The following NINJ2 variants were observed in gnomAD, a reference collection of about 807,000 sequenced individuals.
NINJ2 encodes ninjurin-2.
Under a neutral mutation model 11.7 loss-of-function variants are expected in NINJ2, and 12 were observed. The ratio of observed to expected loss-of-function variants is 1.02; its 90% confidence interval spans 0.66 to 1.66. The LOEUF (loss-of-function observed/expected upper bound fraction) is 1.66. Ranked by LOEUF, NINJ2 falls within the 40% of genes most tolerant of loss-of-function variation. The pLI is 0.00. For synonymous variants in NINJ2, 93 were observed against 76.8 expected (o/e 1.21, Z -1.10); for missense variants, 187 against 181.8 (o/e 1.03, Z -0.16).
chr12:576,514 G>A (rs534251409), intron 1 of NINJ2, among the ~76,000 whole-genome samples: 42 of 152,342 alleles, frequency 2.8e-4, no homozygotes, highest in African/African-American at 9.6e-4. Context: ...TGTTTTCTTG[G>A]GGCAGGCCCT....
intron 1 of NINJ2, among the ~76,000 whole-genome samples, chr12:598,948 C>T (rs1002856101): frequency 6.6e-6 from 1 of 151,972 alleles, no homozygotes; most frequent in Non-Finnish European, 1.5e-5. Context: ...GATCCACCTG[C>T]CTCGGCCTCC....
In NINJ2 at chr12:628,645, T is replaced by G. The variant is rs932390152; in HGVS notation, c.33+34683A>C. Among the ~76,000 whole-genome samples, 1 of 152,012 alleles carries G rather than the reference T, an allele frequency of 6.6e-6. No individual in the cohort carries two copies. Among genetic ancestry groups the G allele is most frequent in the Non-Finnish European group, 1.5e-5 (1 of 67,972 alleles). On this transcript the variant is annotated intron_variant, in intron 1 of 3. Coordinates refer to ENST00000305108, the MANE Select transcript of NINJ2 (RefSeq NM_016533.6). The surrounding 1 kb of genome is among the most constrained non-coding windows in gnomAD (Gnocchi z 4.4). ...TTCCCAGGAGGTTAGGCATTCTTAG[T>G]CACAGGATGAGATAGGAGGTCAGCA...
chr12:604,732 G>A lies in NINJ2; in HGVS notation c.34-38554C>T, dbSNP rs573257039. Among the ~76,000 whole-genome samples, 41 of 152,320 alleles carry A rather than the reference G, an allele frequency of 2.7e-4. No individual in the cohort carries two copies. The South Asian group carries it at 6.0e-3, about 22-fold the overall frequency. ...AATCCAGGAAGGCACTGGGTGTGGG[G>A]ACACAAGTGCAAGGGAGGTAGGGAC... On this transcript the variant is annotated intron_variant, in intron 1 of 3. Coordinates refer to ENST00000305108, the MANE Select transcript of NINJ2 (RefSeq NM_016533.6).
rs566805009 is a variant in NINJ2 at position 646,657 on chromosome 12, G to A, written c.33+16671C>T. Among the ~76,000 whole-genome samples the A allele has an allele frequency of 3.9e-5, 6 of 152,246 alleles. No individual in the cohort carries two copies. The East Asian group carries it at 9.6e-4, about 24-fold the overall frequency. ...CCCTGTTTGAATCATAACACTGGGC[G>A]GTCACATTTCTAGGAAACTGCAGCT... On this transcript the variant is annotated intron_variant, in intron 1 of 3. Coordinates refer to ENST00000305108, the MANE Select transcript of NINJ2 (RefSeq NM_016533.6).
At position 612,602 on chromosome 12, in the gene NINJ2, T is replaced by C. The variant is rs549042663; in HGVS notation, c.34-46424A>G. 6.6e-5 allele frequency among the ~76,000 whole-genome samples: 10 copies of C among 152,256 alleles called. No homozygotes were observed. In the East Asian group the frequency reaches 1.9e-3, roughly 29 times the overall value. On this transcript the variant is annotated intron_variant, in intron 1 of 3. Transcript: ENST00000305108. ...AGAAAAGCAGAGGGAAGGAGCTGTC[T>C]GGGTTGGTAGGGCTCGAGGTTCTGG...
chr12:648,080 C>T (rs1241377152), intron 1 of NINJ2, among the ~76,000 whole-genome samples: 1 of 152,096 alleles, frequency 6.6e-6, no homozygotes, highest in African/African-American at 2.4e-5. Context: ...TCAACAAATA[C>T]ATTTTTTTTT....
intron 1 of NINJ2, among the ~76,000 whole-genome samples, chr12:583,285 A>G (rs1947583820): frequency 6.6e-6 from 1 of 152,266 alleles, no homozygotes; most frequent in Non-Finnish European, 1.5e-5. Flanking sequence ...GCTGGCCCAG[A>G]TTCAGGCTAG....
intron 2 of NINJ2, 93 bp from the exon 3 acceptor site, chr12:565,494 C>T: frequency 3.0e-6 from 4 of 1,320,416 alleles, no homozygotes; most frequent in East Asian, 2.3e-5. Context: ...GAGAGAGGGG[C>T]CCTTCAGAAA....
At chr12:601,401 AGC>A (rs2120907467) in intron 1 of NINJ2, among the ~76,000 whole-genome samples, 2 of 151,300 alleles carry the variant, frequency 1.3e-5, no homozygotes, top group African/African-American at 4.9e-5. Context: ...AAAAAAAATT[AGC>A]CAGGCGTGGT....
intron 1 of NINJ2, among the ~76,000 whole-genome samples, chr12:646,377 G>A (rs886080325): frequency 2.6e-5 from 4 of 152,176 alleles, no homozygotes; most frequent in Non-Finnish European, 2.9e-5. Context: ...GGCACTGCCC[G>A]TGAGTGCCTG....
chr12:567,508 TTGG>T (rs1176457168), intron 1 of NINJ2, among the ~76,000 whole-genome samples: 8 of 152,108 alleles, frequency 5.3e-5, no homozygotes, highest in African/African-American at 1.4e-4. Flanking sequence ...GATGGAGAGA[TTGG>T]TGGGTGGATG....
chr12:601,337 G>A (rs1947864981), intron 1 of NINJ2, among the ~76,000 whole-genome samples: 2 of 146,830 alleles, frequency 1.4e-5, no homozygotes, highest in East Asian at 2.1e-4. Flanking sequence ...AGGAAGTCAG[G>A]AGATCGAGAC....
rs371435239 is a variant in NINJ2 at position 566,083 on chromosome 12, G to A, written c.129C>T (p.Phe43=). Residue 43 remains phenylalanine, a synonymous_variant, in exon 2 of 4, where the codon TTC becomes TTT. Coordinates refer to ENST00000305108, the MANE Select transcript of NINJ2 (RefSeq NM_016533.6). Reference sequence around the variant, plus strand: ...CCTTCAGCCGCATGGCGTTGGACATGAACAGGGCCACGTCCAGCATGCTCT... The same window carrying A: ...CCTTCAGCCGCATGGCGTTGGACATAAACAGGGCCACGTCCAGCATGCTCT... ...VAESMLDVAL[F]MSNAMRLKAV... 54 of 1,614,200 alleles carry A rather than the reference G, an allele frequency of 3.3e-5. No homozygotes were observed. The highest frequency in any genetic ancestry group is 4.3e-5 in the Non-Finnish European group (51 of 1,180,036).
chr12:629,157 G>A (rs898205425), intron 1 of NINJ2, among the ~76,000 whole-genome samples: 1 of 152,142 alleles, frequency 6.6e-6, no homozygotes, highest in Non-Finnish European at 1.5e-5. Context: ...GTCTGGATCG[G>A]GACCCCTTTC....
intron 1 of NINJ2, among the ~76,000 whole-genome samples, chr12:617,647 T>G (rs1460254338): frequency 1.3e-5 from 2 of 152,252 alleles, no homozygotes; most frequent in Non-Finnish European, 2.9e-5. Context: ...GAAGGCCGGC[T>G]GGCTGAGCAC....
At chr12:657,109 A>T (rs1311651123) in intron 1 of NINJ2, among the ~76,000 whole-genome samples, 1 of 152,240 alleles carries the variant, frequency 6.6e-6, no homozygotes, top group Non-Finnish European at 1.5e-5. Flanking sequence ...TTTTGTATAC[A>T]ATACCAAAGG....
chr12:605,446 G>A (rs1465518567), intron 1 of NINJ2, among the ~76,000 whole-genome samples: 1 of 152,238 alleles, frequency 6.6e-6, no homozygotes, highest in Non-Finnish European at 1.5e-5. Context: ...TGTAGTCCCA[G>A]CTATTTGGGA....
intron 1 of NINJ2, among the ~76,000 whole-genome samples, chr12:597,926 T>C (rs1565629182): frequency 6.6e-6 from 1 of 152,274 alleles, no homozygotes; most frequent in African/African-American, 2.4e-5. Context: ...CCCTCTAGTA[T>C]AATGCTGGAC....
chr12:659,526 T>C (rs779536960), intron 1 of NINJ2, among the ~76,000 whole-genome samples: 1 of 152,172 alleles, frequency 6.6e-6, no homozygotes, highest in Non-Finnish European at 1.5e-5. Context: ...CTGGCAGGGC[T>C]ACCAGTGAAG....
Sources: allele counts gnomAD v4.1 joint callset (sites outside exome capture counted in the v4.1 genomes callset), GRCh38; gene constraint gnomAD v4.1.1; non-coding constraint Gnocchi (gnomAD v3.1); transcripts MANE v1.5; gene names NCBI Gene and HGNC (gene_info 2026-07-23, HGNC 2026-07-21).